The following BTBD10 variants were observed in gnomAD, a reference collection of about 807,000 sequenced individuals.
The protein encoded by BTBD10 is BTB/POZ domain-containing protein 10.
BTBD10 carries 21 observed loss-of-function variants against 53.2 expected under a neutral mutation model. The observed-to-expected ratio is 0.39, with a 90% CI of 0.28 to 0.57. The LOEUF (loss-of-function observed/expected upper bound fraction) is 0.57, where lower values mean the gene tolerates loss of function less well. Among genes scored for constraint, BTBD10 ranks in the 20% least tolerant of loss-of-function variants. BTBD10 has a pLI of 0.53. For missense variants in BTBD10, 360 were observed against 594.7 expected (o/e 0.61, Z 4.10); for synonymous variants, 149 against 192.7 (o/e 0.77, Z 1.88).
intron 1 of BTBD10, among the ~76,000 whole-genome samples, chr11:13,457,882 C>G (rs2053492705): frequency 6.6e-6 from 1 of 152,100 alleles, no homozygotes; most frequent in East Asian, 1.9e-4. Context: ...CTTCTTTGCC[C>G]TTTGCTAAAT....
rs1950194397 is a variant in BTBD10, at chr11:13,419,354, G to C, written c.584+106C>G. 2.1e-6 allele frequency: 3 copies of C among 1,408,180 alleles called. No homozygotes were observed. In the Admixed American group the frequency reaches 7.6e-5, roughly 36 times the overall value. The allele number at this position is 1,408,180 out of a possible 1,614,324, so 87.2% of individuals were successfully genotyped here. Reference sequence around the variant, plus strand: ...GCTCAGTTCTTTCATCTGTAAAACAGAAATGTTACATTTCAACAGAGAATT... The same window carrying C: ...GCTCAGTTCTTTCATCTGTAAAACACAAATGTTACATTTCAACAGAGAATT... On this transcript the variant is annotated intron_variant, in intron 4 of 8. Coordinates refer to ENST00000278174, the MANE Select transcript of BTBD10 (RefSeq NM_032320.7).
chr11:13,425,874 A>C (rs961998201), intron 2 of BTBD10, among the ~76,000 whole-genome samples: 5 of 152,308 alleles, frequency 3.3e-5, no homozygotes, highest in African/African-American at 1.2e-4. Flanking sequence ...TTACATGTCA[A>C]TTAAAAATAA....
chr11:13,421,580 A>C, intron 3 of BTBD10, 62 bp downstream of exon 3: 1 of 1,410,064 alleles, frequency 7.1e-7, no homozygotes, highest in Non-Finnish European at 9.7e-7. Flanking sequence ...TGTCATTACT[A>C]CTTTAAAAAG....
At chr11:13,448,845 A>G (rs1227321273) in intron 1 of BTBD10, among the ~76,000 whole-genome samples, 1 of 152,196 alleles carries the variant, frequency 6.6e-6, no homozygotes, top group Non-Finnish European at 1.5e-5. Context: ...GAAAAACTAA[A>G]GTTTATTGTT....
intron 2 of BTBD10, chr11:13,439,800 A>C: frequency 8.8e-7 from 1 of 1,133,236 alleles, no homozygotes; most frequent in Non-Finnish European, 1.2e-6. Flanking sequence ...CAAAGGTCAC[A>C]CATATCCCTC....
chr11:13,389,964 C>A (rs947152203), intron 8 of BTBD10, among the ~76,000 whole-genome samples: 24 of 152,120 alleles, frequency 1.6e-4, no homozygotes, highest in Non-Finnish European at 2.9e-4. Context: ...CATTACTACT[C>A]CCAACAACCA....
chr11:13,459,252 G>A (rs554630021), intron 1 of BTBD10, among the ~76,000 whole-genome samples: 1 of 151,530 alleles, frequency 6.6e-6, no homozygotes, highest in African/African-American at 2.4e-5. Context: ...TAGAGACGGG[G>A]TTTCACCGTT....
intron 2 of BTBD10, among the ~76,000 whole-genome samples, chr11:13,426,279 GA>G (rs1007381932): frequency 2.0e-5 from 3 of 150,998 alleles, no homozygotes; most frequent in Non-Finnish European, 3.0e-5. Flanking sequence ...TTGATTTGTC[GA>G]AAAAAAATAA....
At chr11:13,403,127 T>C in intron 8 of BTBD10, 41 bp downstream of exon 8, 4 of 1,251,510 alleles carry the variant, frequency 3.2e-6, no homozygotes, top group Non-Finnish European at 3.4e-6. Flanking sequence ...ACCTTTTTGT[T>C]TTAAAAAGAA....
chr11:13,461,612 T>A (rs551892274), intron 1 of BTBD10, among the ~76,000 whole-genome samples: 1 of 152,248 alleles, frequency 6.6e-6, no homozygotes, highest in African/African-American at 2.4e-5. Context: ...AAAATTCACA[T>A]GGCTTAGAGG....
chr11:13,390,604 T>A (rs1264083766), intron 8 of BTBD10, among the ~76,000 whole-genome samples: 1 of 152,182 alleles, frequency 6.6e-6, no homozygotes, highest in Admixed American at 6.5e-5. Flanking sequence ...CCCATAGTGC[T>A]GGGATTACAG....
intron 6 of BTBD10, among the ~76,000 whole-genome samples, chr11:13,407,995 T>C (rs1949865909): frequency 6.6e-6 from 1 of 152,168 alleles, no homozygotes; most frequent in Non-Finnish European, 1.5e-5. Context: ...GCACCAGACA[T>C]GTGAATAAAG....
chr11:13,402,226 T>C (rs1191010889), intron 8 of BTBD10, among the ~76,000 whole-genome samples: 2 of 152,164 alleles, frequency 1.3e-5, no homozygotes, highest in African/African-American at 4.8e-5. Flanking sequence ...TTCCTATATA[T>C]CTCAGCAGCC....
At chr11:13,412,114 A>T (rs1395609891) in intron 6 of BTBD10, among the ~76,000 whole-genome samples, 1 of 151,892 alleles carries the variant, frequency 6.6e-6, no homozygotes, top group Non-Finnish European at 1.5e-5. Context: ...TACAGGTGTG[A>T]GCCACTGCAC....
intron 1 of BTBD10, among the ~76,000 whole-genome samples, chr11:13,454,119 G>C (rs1950918065): frequency 6.6e-6 from 1 of 152,142 alleles, no homozygotes; most frequent in Admixed American, 6.5e-5. Flanking sequence ...ATTTACTAGT[G>C]CAGAGGAAAT....
At chr11:13,398,512 T>C (rs1229345008) in intron 8 of BTBD10, among the ~76,000 whole-genome samples, 4 of 152,362 alleles carry the variant, frequency 2.6e-5, no homozygotes, top group African/African-American at 7.2e-5. Flanking sequence ...CCAGTCTGTG[T>C]CTTTTAATTA....
Position 13,443,124 on chromosome 11 carries a change from C to A in BTBD10, c.101+1900G>T, listed in dbSNP as rs540229548. On this transcript the variant is annotated intron_variant, in intron 2 of 8. Transcript: ENST00000278174. ...TTAGCTGAGTGTGGTGGTAGCGGTG[C>A]ATGCCTGTAGTCCTAGGTACTCCAG... 3.9e-5 allele frequency among the ~76,000 whole-genome samples: 6 copies of A among 152,104 alleles called. No individual in the cohort carries two copies. In the East Asian group the frequency reaches 1.2e-3, roughly 29 times the overall value.
intron 2 of BTBD10, among the ~76,000 whole-genome samples, chr11:13,437,914 TATAAG>T (rs1409175845): frequency 2.0e-5 from 3 of 152,154 alleles, no homozygotes; most frequent in African/African-American, 7.2e-5. Context: ...CAGTTCCTTT[TATAAG>T]ATGTTTTAAA....
intron 7 of BTBD10, among the ~76,000 whole-genome samples, chr11:13,404,002 C>T (rs1326431882): frequency 6.6e-6 from 1 of 152,032 alleles, no homozygotes; most frequent in Non-Finnish European, 1.5e-5. Context: ...GAGTTATCTC[C>T]CTTAAAAGGT....
Sources: allele counts gnomAD v4.1 joint callset (sites outside exome capture counted in the v4.1 genomes callset), GRCh38; gene constraint gnomAD v4.1.1; transcripts MANE v1.5; gene names NCBI Gene and HGNC (gene_info 2026-07-23, HGNC 2026-07-21).